The following MAP2K1 variants were observed in gnomAD, a reference collection of about 807,000 sequenced individuals.
The protein encoded by MAP2K1 is dual specificity mitogen-activated protein kinase kinase 1.
In MAP2K1, 16 loss-of-function variants were observed where a neutral mutation model predicts 46.3. The ratio of observed to expected loss-of-function variants is 0.35; its 90% CI spans 0.23 to 0.52. The LOEUF is 0.52. Among genes scored for constraint, MAP2K1 ranks in the 20% least tolerant of loss-of-function variants. The pLI is 0.94. For synonymous variants in MAP2K1, 183 were observed against 185.6 expected, an observed-to-expected ratio of 0.99 and a Z score of 0.11; for missense variants, 263 against 497.1, an observed-to-expected ratio of 0.53 and a Z score of 4.48.
intron 5 of MAP2K1, among the ~76,000 whole-genome samples, chr15:66,455,923 C>T: frequency 6.6e-6 from 1 of 152,122 alleles, no homozygotes; most frequent in East Asian, 1.9e-4. Flanking sequence ...GTGGTTTAGC[C>T]TGATGTATGT....
chr15:66,433,001 T>TGTGTGTGTGTGTGTGTGTG, intron 1 of MAP2K1, among the ~76,000 whole-genome samples: 28 of 151,106 alleles, frequency 1.9e-4, no homozygotes, highest in South Asian at 1.0e-3. Context: ...TGTGTGTGTG[T>TGTGTGTGTGTGTGTGTGTG]TGACAGCTTT....
rs150895253 is a variant in MAP2K1, at chr15:66,459,445, C to T, written c.568+14738C>T. ...CAGCTTGACCAACATGGTGAAACCC[C>T]GTCTCTACTAAAATACAAAAAAATT... On this transcript the variant is annotated intron_variant, in intron 5 of 10. Coordinates refer to ENST00000307102, the MANE Select transcript of MAP2K1 (RefSeq NM_002755.4). 2.5e-3 allele frequency among the ~76,000 whole-genome samples: 384 copies of T among 151,856 alleles called. 2 individuals carry two copies. The highest frequency in any genetic ancestry group is 8.7e-3 in the African/African-American group (362 of 41,396).
chr15:66,424,814 T>TTGA (rs2093453114), intron 1 of MAP2K1, among the ~76,000 whole-genome samples: 4 of 126,644 alleles, frequency 3.2e-5, no homozygotes, highest in Admixed American at 8.2e-5. Context: ...TTTTTTTTTT[T>TTGA]GCGATGGAAT....
chr15:66,404,307 G>A (rs1442173550), intron 1 of MAP2K1, among the ~76,000 whole-genome samples: 2 of 152,088 alleles, frequency 1.3e-5, no homozygotes, highest in African/African-American at 2.4e-5. Flanking sequence ...AGCGGAGATC[G>A]CGCCACTGCA....
Position 66,490,905 on chromosome 15 carries a change from T to C in MAP2K1, c.*290T>C. ...TGAATTACAGTGAAATTTTGGTGAA[T>C]GTGGGTAGTCATTCTTACAATTGCA... On this transcript the variant is annotated 3_prime_UTR_variant, in exon 11 of 11. Coordinates refer to ENST00000307102, the MANE Select transcript of MAP2K1 (RefSeq NM_002755.4). The C allele has an allele frequency of 2.0e-6, 1 of 501,136 alleles. No homozygotes were observed. The highest frequency in any genetic ancestry group is 2.0e-5 in the South Asian group (1 of 48,924). The allele number at this position is 501,136 out of a possible 1,614,324, so 31.0% of individuals were successfully genotyped here.
intron 5 of MAP2K1, among the ~76,000 whole-genome samples, chr15:66,467,188 TG>T (rs1892489469): frequency 6.6e-6 from 1 of 151,914 alleles, no homozygotes; most frequent in Non-Finnish European, 1.5e-5. Context: ...GAGCCAAGAT[TG>T]TGTCATTGCA....
intron 5 of MAP2K1, among the ~76,000 whole-genome samples, chr15:66,452,301 A>G (rs375722075): frequency 1.2e-3 from 28 of 22,696 alleles, no homozygotes; most frequent in Non-Finnish European, 2.8e-3. Context: ...AAAAAAAAAA[A>G]AAGAAAAAAA....
Position 66,420,779 on chromosome 15 carries a change from G to A in MAP2K1, c.81-14248G>A, listed in dbSNP as rs373146670. On this transcript the variant is annotated intron_variant, in intron 1 of 10. Transcript: ENST00000307102. ...TGTGTGTATGTGTGTATATATATGT[G>A]TATATATATGTGTGTATATATATGT... 1.3e-3 allele frequency among the ~76,000 whole-genome samples: 70 copies of A among 54,764 alleles called. 1 individual carries two copies. Among genetic ancestry groups the A allele is most frequent in the Non-Finnish European group, 1.6e-3 (43 of 26,790 alleles). The allele number at this position is 54,764 out of a possible 152,430, so 35.9% of individuals were successfully genotyped here.
intron 5 of MAP2K1, among the ~76,000 whole-genome samples, chr15:66,479,792 A>G (rs970132723): frequency 2.6e-5 from 4 of 152,154 alleles, no homozygotes; most frequent in Non-Finnish European, 5.9e-5. Flanking sequence ...GGGCAGAGAG[A>G]GGCTAGAGCT....
At chr15:66,447,174 G>A (rs143152923) in intron 5 of MAP2K1, among the ~76,000 whole-genome samples, 1 of 152,098 alleles carries the variant, frequency 6.6e-6, no homozygotes, top group African/African-American at 2.4e-5. Flanking sequence ...TGAGCACTGA[G>A]TGGAGCCACC....
Position 66,387,040 on chromosome 15 carries a change from T to G in MAP2K1, c.-308T>G. 1.5e-5 allele frequency: 5 copies of G among 332,334 alleles called. No homozygotes were observed. The highest frequency in any genetic ancestry group is 9.4e-5 in the South Asian group (1 of 10,602). The allele number at this position is 332,334 out of a possible 1,614,324, so 20.6% of individuals were successfully genotyped here. On this transcript the variant is annotated 5_prime_UTR_variant, in exon 1 of 11. Coordinates refer to ENST00000307102, the MANE Select transcript of MAP2K1 (RefSeq NM_002755.4). ...CGCCCGAGCCGGAGGGACTGGTTGGTTGAGAGAGAGAGAGGAAGGGAATCC... is the reference window on the plus strand; with the variant it reads ...CGCCCGAGCCGGAGGGACTGGTTGGGTGAGAGAGAGAGAGGAAGGGAATCC...
intron 3 of MAP2K1, among the ~76,000 whole-genome samples, chr15:66,439,058 A>G (rs1157219984): frequency 6.6e-6 from 1 of 152,170 alleles, no homozygotes; most frequent in Non-Finnish European, 1.5e-5. Context: ...TTTCTGCTTC[A>G]GCTCTGGGCA....
chr15:66,470,091 C>CTTTTTTT (rs1567021186), intron 5 of MAP2K1, among the ~76,000 whole-genome samples: 12 of 55,688 alleles, frequency 2.2e-4, no homozygotes, highest in Non-Finnish European at 2.8e-4. Flanking sequence ...ACTTTTTTTT[C>CTTTTTTT]TTGTTTTTTT....
intron 4 of MAP2K1, 113 bp from the exon 5 acceptor site, chr15:66,444,543 A>G (rs1891811489): frequency 1.2e-6 from 1 of 835,170 alleles, no homozygotes; most frequent in Non-Finnish European, 2.1e-6. Flanking sequence ...CAAAGGAGGA[A>G]GGCAAATTTG....
At chr15:66,404,322 A>G (rs2093390699) in intron 1 of MAP2K1, among the ~76,000 whole-genome samples, 1 of 152,222 alleles carries the variant, frequency 6.6e-6, no homozygotes, top group African/African-American at 2.4e-5. Flanking sequence ...ACTGCACTCC[A>G]GCCTGGGTAA....
At chr15:66,469,719 C>CACACACACACACAT (rs968491730) in intron 5 of MAP2K1, among the ~76,000 whole-genome samples, 9 of 144,866 alleles carry the variant, frequency 6.2e-5, no homozygotes, top group African/African-American at 2.3e-4. Context: ...CACACACACA[C>CACACACACACACAT]ACACATATCG....
intron 5 of MAP2K1, among the ~76,000 whole-genome samples, chr15:66,470,108 T>TG: frequency 7.0e-6 from 1 of 143,054 alleles, no homozygotes; most frequent in East Asian, 2.1e-4. Context: ...TTTTTTTTTT[T>TG]TTTTTTTTTT....
At chr15:66,428,428 AG>A (rs1270835826) in intron 1 of MAP2K1, among the ~76,000 whole-genome samples, 2 of 152,028 alleles carry the variant, frequency 1.3e-5, no homozygotes, top group African/African-American at 4.8e-5. Flanking sequence ...CTGAAGACCC[AG>A]GGTAGGGTTG....
At chr15:66,470,915 A>G (rs938537473) in intron 5 of MAP2K1, among the ~76,000 whole-genome samples, 1 of 152,204 alleles carries the variant, frequency 6.6e-6, no homozygotes, top group Non-Finnish European at 1.5e-5. Context: ...GAGACATGAG[A>G]CATCAGTATA....
Sources: gnomAD v4.1 joint callset for allele counts (sites outside exome capture counted in the v4.1 genomes callset) on GRCh38, gnomAD v4.1.1 for gene constraint, MANE v1.5 for transcripts, NCBI Gene and HGNC (gene_info 2026-07-23, HGNC 2026-07-21) for gene names.